Variants in ZNF836 observed in about 807,000 individuals in gnomAD.
ZNF836 encodes zinc finger protein 836.
ZNF836 carries 12 observed loss-of-function variants against 7.4 expected under a neutral mutation model. The observed-to-expected ratio is 1.61, with a 90% CI of 1.03 to 2.61. ZNF836 has a LOEUF of 2.61. Ranked by LOEUF, ZNF836 falls within the 30% of genes most tolerant of loss-of-function variation. ZNF836 has a pLI of 0.00. For synonymous variants in ZNF836, 365 were observed against 382.6 expected, an observed-to-expected ratio of 0.95 and a Z score of 0.54; for missense variants, 998 against 1,126.2, an observed-to-expected ratio of 0.89 and a Z score of 1.63.
At chr19:52,166,814 C>T (rs897396477) in intron 3 of ZNF836, among the ~76,000 whole-genome samples, 10 of 150,852 alleles carry the variant, frequency 6.6e-5, no homozygotes, top group Admixed American at 2.0e-4. Flanking sequence ...CTCCTGACCT[C>T]GTGATCCGCC....
intron 2 of ZNF836, among the ~76,000 whole-genome samples, chr19:52,169,135 T>A (rs1159814690): frequency 6.6e-6 from 1 of 152,226 alleles, no homozygotes; most frequent in African/African-American, 2.4e-5. Context: ...ATGACAATAC[T>A]TAACATTTAG....
chr19:52,170,596 G>A (rs1323888494), intron 1 of ZNF836, among the ~76,000 whole-genome samples: 4 of 151,920 alleles, frequency 2.6e-5, no homozygotes, highest in Non-Finnish European at 1.5e-5. Flanking sequence ...TCATCTCTCT[G>A]AAGGTCCCCC....
intron 3 of ZNF836, among the ~76,000 whole-genome samples, chr19:52,165,618 G>A (rs946224911): frequency 2.7e-4 from 41 of 152,180 alleles, no homozygotes; most frequent in African/African-American, 9.6e-4. Context: ...ATGTGATAGG[G>A]AAAGGAACCT....
intron 4 of ZNF836, among the ~76,000 whole-genome samples, chr19:52,160,149 C>T (rs966090419): frequency 6.8e-6 from 1 of 146,612 alleles, no homozygotes; most frequent in Admixed American, 6.9e-5. Context: ...CGCCACTGCA[C>T]TCCAGCCTGG....
rs778535258 is a variant in ZNF836, at chr19:52,156,350, C to A, written c.1333G>T (p.Asp445Tyr). 1.9e-6 allele frequency: 3 copies of A among 1,614,110 alleles called. No homozygotes were observed. The highest frequency in any genetic ancestry group is 3.3e-5 in the Admixed American group (2 of 60,020). ...TGACTGAAGACCTTGTCGCATACAT[C>A]ACATGTATATGGTTTCTCTCCTGTA... ...IHTGEKPYTC[D>Y]VCDKVFSQRS... Residue 445 changes from aspartate to tyrosine, a missense_variant, in exon 5 of 5, where the codon GAT (aspartate) becomes TAT (tyrosine). Physicochemically the swap from Asp to Tyr is radical, Grantham distance 160. Coordinates refer to ENST00000682614, the MANE Select transcript of ZNF836 (RefSeq NM_001102657.3).
chr19:52,162,765 T>G (rs1418625182), intron 3 of ZNF836, among the ~76,000 whole-genome samples: 1 of 152,154 alleles, frequency 6.6e-6, no homozygotes, highest in Non-Finnish European at 1.5e-5. Context: ...TCCCAGTAGA[T>G]AACTTCAAGG....
intron 4 of ZNF836, 83 bp downstream of exon 4, chr19:52,160,382 G>A: frequency 6.4e-7 from 1 of 1,574,202 alleles, no homozygotes; most frequent in South Asian, 1.1e-5. Context: ...TCAAATAATG[G>A]AAGGGCTCCC....
chr19:52,164,986 A>C (rs2089250088), intron 3 of ZNF836, among the ~76,000 whole-genome samples: 2 of 152,100 alleles, frequency 1.3e-5, no homozygotes, highest in African/African-American at 2.4e-5. Context: ...GCTGCTCAGG[A>C]AGCTGTGGCA....
chr19:52,155,748 C>A lies in ZNF836; in HGVS notation c.1935G>T (p.Lys645Asn), dbSNP rs531352557. 1 of 1,613,698 alleles carries A rather than the reference C, an allele frequency of 6.2e-7. No homozygotes were observed. The highest frequency in any genetic ancestry group is 8.5e-7 in the Non-Finnish European group (1 of 1,179,936). ...CTAGGCATGAGTAGTAACTGAAAACCTTGCCGCATTCGTTACATTGAAACG... is the reference window on the plus strand; with the variant it reads ...CTAGGCATGAGTAGTAACTGAAAACATTGCCGCATTCGTTACATTGAAACG... ...EKPFQCNECGKVFSYYSCLAR... is the reference protein window; with the variant it reads ...EKPFQCNECGNVFSYYSCLAR... The change falls in exon 5 of 5, where the codon AAG (lysine) becomes AAT (asparagine). Residue 645 changes from lysine to asparagine, a missense_variant. By Grantham distance (94) the Lys-to-Asn change is moderately conservative. Transcript: ENST00000682614.
chr19:52,158,993 G>A (rs930047646), intron 4 of ZNF836, among the ~76,000 whole-genome samples: 4 of 152,092 alleles, frequency 2.6e-5, no homozygotes, highest in African/African-American at 7.2e-5. Flanking sequence ...CTTTTTGCAC[G>A]GCAATCCTTC....
In ZNF836 at chr19:52,156,391, G is replaced by A; in HGVS notation, c.1292C>T (p.Thr431Ile). 6.2e-7 allele frequency: 1 copy of A among 1,614,148 alleles called. No individual in the cohort carries two copies. Among genetic ancestry groups the A allele is most frequent in the Admixed American group, 1.7e-5 (1 of 60,024 alleles). Residue 431 changes from threonine (T) to isoleucine (I), a missense_variant, in exon 5 of 5, where the codon ACA becomes ATA. By Grantham distance (89) the Thr-to-Ile change is moderately conservative. Transcript: ENST00000682614. ...CTCTCCTGTATGGATTATCTGATGT[G>A]TAGTGAGGCTGGAGCTCCGTTTAAA... ...KTFKRSSSLT[T>I]HQIIHTGEKP...
At chr19:52,167,493 A>AG (rs2089276023) in intron 3 of ZNF836, among the ~76,000 whole-genome samples, 1 of 151,692 alleles carries the variant, frequency 6.6e-6, no homozygotes, top group Non-Finnish European at 1.5e-5. Flanking sequence ...AAAAAAAAAA[A>AG]AAAATCAATG....
Position 52,157,554 on chromosome 19 carries a change from T to A in ZNF836, c.143-14A>T, listed in dbSNP as rs1411082383. On this transcript the variant is annotated splice_polypyrimidine_tract_variant and intron_variant, in intron 4 of 4. Transcript: ENST00000682614. ...TAGGAAGGATACCTACAAAATATAA[T>A]GAACATGGGAGTTTTTTCGTTGGTT... 6.8e-7 allele frequency: 1 copy of A among 1,471,980 alleles called. No individual in the cohort carries two copies. The highest frequency in any genetic ancestry group is 1.4e-5 in the African/African-American group (1 of 70,446). 91.2% of individuals were successfully genotyped at this position (1,471,980 alleles called of 1,614,324 possible). A position where few individuals can be genotyped will look rare whatever the true frequency, so the allele number is the denominator to read the frequency against.
At position 52,155,426 on chromosome 19, in the gene ZNF836, T is replaced by C. The variant is rs1306431444; in HGVS notation, c.2257A>G (p.Ile753Val). 2.5e-6 allele frequency: 4 copies of C among 1,614,062 alleles called. No homozygotes were observed. Among genetic ancestry groups the C allele is most frequent in the South Asian group, 2.2e-5 (2 of 91,090 alleles). ...GAATTAAAGACCTGGCCACATTCAA[T>C]ACATTTGTATGGCATCTCTCCAGTA... ...RHTGEMPYKC[I>V]ECGQVFNSTS... Residue 753 changes from isoleucine (I) to valine (V), a missense_variant, in exon 5 of 5, where the codon ATT becomes GTT. Physicochemically the swap from Ile to Val is conservative, Grantham distance 29 (BLOSUM62 3). Coordinates refer to ENST00000682614, the MANE Select transcript of ZNF836 (RefSeq NM_001102657.3).
chr19:52,161,548 A>G lies in ZNF836; in HGVS notation c.16-957T>C, dbSNP rs1208537480. ...ATTGACGAGAACACCATACCCACTG[A>G]TAAAGGCAGACTTCTCATGATCCAA... On this transcript the variant is annotated intron_variant, in intron 3 of 4. Transcript: ENST00000682614. The surrounding 1 kb of genome is among the most constrained non-coding windows in gnomAD (Gnocchi z 4.1). Among the ~76,000 whole-genome samples the G allele has an allele frequency of 3.3e-5, 5 of 152,206 alleles. No homozygotes were observed. In the East Asian group the frequency reaches 9.7e-4, roughly 29 times the overall value.
chr19:52,157,841 TTACAGG>T (rs1464207626), intron 4 of ZNF836, among the ~76,000 whole-genome samples: 1 of 152,162 alleles, frequency 6.6e-6, no homozygotes, highest in Non-Finnish European at 1.5e-5. Flanking sequence ...AGTGCTGGGA[TTACAGG>T]TGTGAGCCAC....
chr19:52,157,015 C>T lies in ZNF836; in HGVS notation c.668G>A (p.Cys223Tyr), dbSNP rs1365682042. Residue 223 changes from cysteine (C) to tyrosine (Y), a missense_variant, in exon 5 of 5, where the codon TGT (cysteine) becomes TAT (tyrosine). Coordinates refer to ENST00000682614, the MANE Select transcript of ZNF836 (RefSeq NM_001102657.3). ...TGAAGACACTCTAAAGGCTTTGCCA[C>T]ACCCTTTACACATATAAGGTTTTTC... The part of the protein sequence containing the change: ...IREKPYMCKG[C>Y]GKAFRVSSSL... 2 of 1,614,054 alleles carry T rather than the reference C, an allele frequency of 1.2e-6. No individual in the cohort carries two copies. Among genetic ancestry groups the T allele is most frequent in the African/African-American group, 1.3e-5 (1 of 74,940 alleles).
In ZNF836 at chr19:52,156,050, A is replaced by G; in HGVS notation, c.1633T>C (p.Leu545=). Residue 545 remains leucine (L), a synonymous_variant, in exon 5 of 5, where the codon TTA becomes CTA. Transcript: ENST00000682614. ...FSENSCLVRH[L]RIHTGEQPYK... ...GGTTGCTCCCCAGTATGAATTCTTA[A>G]ATGTCTTACAAGGCATGAATTTTCA... 3 of 1,613,998 alleles carry G rather than the reference A, an allele frequency of 1.9e-6. No individual in the cohort carries two copies. Among genetic ancestry groups the G allele is most frequent in the Non-Finnish European group, 2.5e-6 (3 of 1,179,892 alleles).
rs534333623 is a variant in ZNF836 at position 52,161,693 on chromosome 19, C to T, written c.16-1102G>A. Among the ~76,000 whole-genome samples the T allele has an allele frequency of 2.6e-5, 4 of 151,754 alleles. No individual in the cohort carries two copies. The highest frequency in any genetic ancestry group is 3.9e-4 in the East Asian group (2 of 5,166). On this transcript the variant is annotated intron_variant, in intron 3 of 4. Coordinates refer to ENST00000682614, the MANE Select transcript of ZNF836 (RefSeq NM_001102657.3). The surrounding 1 kb of genome is among the most constrained non-coding windows in gnomAD (Gnocchi z 4.1). Reference sequence around the variant, plus strand: ...TCAGACTGTAACATTCCACCCCTGGCCCCCAAAATTGATATACTTCTCACA... The same window carrying T: ...TCAGACTGTAACATTCCACCCCTGGTCCCCAAAATTGATATACTTCTCACA...
Sources: gnomAD v4.1 joint callset for allele counts (sites outside exome capture counted in the v4.1 genomes callset) on GRCh38, gnomAD v4.1.1 for gene constraint, Gnocchi (gnomAD v3.1) non-coding constraint, MANE v1.5 for transcripts, NCBI Gene and HGNC (gene_info 2026-07-23, HGNC 2026-07-21) for gene names.